The following NOS1 variants were observed in gnomAD, a reference collection of about 807,000 sequenced individuals.
NOS1 encodes NOS type I.
NOS1 carries 51 observed loss-of-function variants against 164.5 expected under a neutral mutation model. The observed-to-expected ratio is 0.31, with a 90% CI of 0.25 to 0.39. The LOEUF (loss-of-function observed/expected upper bound fraction) is 0.39, where lower values mean the gene tolerates loss of function less well. Among genes scored for constraint, NOS1 ranks in the 10% least tolerant of loss-of-function variants. The pLI is 1.00. For synonymous variants in NOS1, 719 were observed against 745.8 expected (o/e 0.96, Z 0.59); for missense variants, 1,362 against 1,885.6 (o/e 0.72, Z 5.14).
chr12:117,221,794 C>T lies in NOS1; in HGVS notation c.3975+921G>A, dbSNP rs115042693. On this transcript the variant is annotated intron_variant, in intron 26 of 28. Coordinates refer to ENST00000317775, the MANE Select transcript of NOS1 (RefSeq NM_000620.5). ...CCAAGGAGCTGGGACCACAGTCATACGCCACCACGCCCAGCTAACTTAAAT... is the reference window on the plus strand; with the variant it reads ...CCAAGGAGCTGGGACCACAGTCATATGCCACCACGCCCAGCTAACTTAAAT... Among the ~76,000 whole-genome samples the T allele has an allele frequency of 9.4e-3, 1,360 of 144,758 alleles. 17 individuals carry two copies. Among genetic ancestry groups the T allele is most frequent in the African/African-American group, 0.033 (1,259 of 38,680 alleles). The allele number at this position is 144,758 out of a possible 152,430, so 95.0% of individuals were successfully genotyped here. A position where few individuals can be genotyped will look rare whatever the true frequency, so the allele number is the denominator to read the frequency against.
rs183839261 is a variant in NOS1 at position 117,288,119 on chromosome 12, G to A, written c.1082C>T (p.Pro361Leu). Reference sequence around the variant, plus strand: ...TTGATCAATAAACTCTTTGGCGAGAGGGAAGAGCTGTCCTTTTGTGCGGAC... The same window carrying A: ...TTGATCAATAAACTCTTTGGCGAGAAGGAAGAGCTGTCCTTTTGTGCGGAC... ...EDVRTKGQLF[P>L]LAKEFIDQYY... Residue 361 changes from proline to leucine, a missense_variant, in exon 5 of 29, where the codon CCT (proline) becomes CTT (leucine). By Grantham distance (98) the Pro-to-Leu change is moderately conservative. Around this residue, in one of 4 missense-constraint regions of NOS1, gnomAD observed 129 missense variants for 186.0 expected, o/e 0.69. Coordinates refer to ENST00000317775, the MANE Select transcript of NOS1 (RefSeq NM_000620.5). 1.9e-5 allele frequency: 31 copies of A among 1,614,198 alleles called. No individual in the cohort carries two copies. In the Admixed American group the frequency reaches 2.2e-4, roughly 11 times the overall value.
chr12:117,342,913 A>T (rs1043664725), intron 1 of NOS1, among the ~76,000 whole-genome samples: 1 of 152,004 alleles, frequency 6.6e-6, no homozygotes, highest in South Asian at 2.1e-4. Flanking sequence ...AGTCAACAAG[A>T]TTTGGTGACT....
At chr12:117,247,005 A>AGGTTT in intron 18 of NOS1, among the ~76,000 whole-genome samples, 1 of 152,300 alleles carries the variant, frequency 6.6e-6, no homozygotes, top group South Asian at 2.1e-4. Flanking sequence ...CCAAGATGTT[A>AGGTTT]GGTTTGGTTT....
intron 13 of NOS1, among the ~76,000 whole-genome samples, chr12:117,262,365 A>C (rs561986692): frequency 7.3e-6 from 1 of 137,274 alleles, no homozygotes; most frequent in African/African-American, 2.6e-5. Context: ...GTGGCTGCTG[A>C]TGTGTTCTTG....
At chr12:117,240,941 C>CTTT (rs11398507) in intron 20 of NOS1, among the ~76,000 whole-genome samples, 5 of 138,980 alleles carry the variant, frequency 3.6e-5, no homozygotes, top group East Asian at 2.1e-4. Context: ...TTTTCTTTTT[C>CTTT]TTTTTTTTTT....
chr12:117,243,231 G>A lies in NOS1; in HGVS notation c.2962+66C>T. On this transcript the variant is annotated intron_variant, in intron 19 of 28. Coordinates refer to ENST00000317775, the MANE Select transcript of NOS1 (RefSeq NM_000620.5). This position sits in a 1 kb window ranked among gnomAD's most constrained non-coding sequence, Gnocchi z 4.3. ...GCCCATCTTCTCTAAGCACCTTCTG[G>A]AGGTGAGATCACCTGCCTTTCCCCC... 6.3e-7 allele frequency: 1 copy of A among 1,588,182 alleles called. No individual in the cohort carries two copies. The highest frequency in any genetic ancestry group is 1.7e-5 in the Admixed American group (1 of 58,656).
At chr12:117,323,641 A>G (rs1173035236) in intron 2 of NOS1, among the ~76,000 whole-genome samples, 1 of 152,028 alleles carries the variant, frequency 6.6e-6, no homozygotes, top group Non-Finnish European at 1.5e-5. Flanking sequence ...GATTGACCAG[A>G]CTCATAATTA....
rs1399885222 is a variant in NOS1 at position 117,210,836 on chromosome 12, C to T, written c.*4473G>A. 1 of 985,338 alleles carries T rather than the reference C, an allele frequency of 1.0e-6. No individual in the cohort carries two copies. Among genetic ancestry groups the T allele is most frequent in the East Asian group, 1.1e-4 (1 of 8,830 alleles). The allele number at this position is 985,338 out of a possible 1,614,324, so 61.0% of individuals were successfully genotyped here. A position where few individuals can be genotyped will look rare whatever the true frequency, so the allele number is the denominator to read the frequency against. The stretch of plus-strand genomic sequence containing the variant: ...GGCATGGCTGGACTTGGGAAGGATT[C>T]ACCCTGTTGACTCCAGAGAAGCTGA... On this transcript the variant is annotated 3_prime_UTR_variant, in exon 29 of 29. Coordinates refer to ENST00000317775, the MANE Select transcript of NOS1 (RefSeq NM_000620.5).
Position 117,209,531 on chromosome 12 carries a change from A to G in NOS1, c.*5778T>C. 1.0e-6 allele frequency: 1 copy of G among 985,518 alleles called. No homozygotes were observed. The highest frequency in any genetic ancestry group is 1.2e-6 in the Non-Finnish European group (1 of 829,960). The allele number at this position is 985,518 out of a possible 1,614,324, so 61.0% of individuals were successfully genotyped here. A position where few individuals can be genotyped will look rare whatever the true frequency, so the allele number is the denominator to read the frequency against. On this transcript the variant is annotated 3_prime_UTR_variant, in exon 29 of 29. Coordinates refer to ENST00000317775, the MANE Select transcript of NOS1 (RefSeq NM_000620.5). Reference sequence around the variant, plus strand: ...AGATTTGTTCCCGCCTGCCAGGGCCATCTCGTTAATAACGGACTGTGTTTT... The same window carrying G: ...AGATTTGTTCCCGCCTGCCAGGGCCGTCTCGTTAATAACGGACTGTGTTTT...
intron 22 of NOS1, 99 bp downstream of exon 22, chr12:117,231,863 C>T: frequency 7.6e-7 from 1 of 1,315,652 alleles, no homozygotes; most frequent in Admixed American, 2.1e-5. Flanking sequence ...TGGCTCAAGA[C>T]TTCCATCTGC....
intron 17 of NOS1, among the ~76,000 whole-genome samples, chr12:117,248,316 A>G (rs1470615747): frequency 6.6e-6 from 1 of 151,798 alleles, no homozygotes; most frequent in Non-Finnish European, 1.5e-5. Context: ...ATCTAGCATT[A>G]GGTATATCTC....
At position 117,210,953 on chromosome 12, in the gene NOS1, TTATTTTA is replaced by T. The variant is rs1956518185; in HGVS notation, c.*4349_*4355del. 2 of 960,290 alleles carry T rather than the reference TTATTTTA, an allele frequency of 2.1e-6. No individual in the cohort carries two copies. The highest frequency in any genetic ancestry group is 3.6e-5 in the African/African-American group (2 of 55,578). The allele number at this position is 960,290 out of a possible 1,614,324, so 59.5% of individuals were successfully genotyped here. ...TAGGGGCAAGATGTTTTATTTTATTTTATTTTATTTTATTTTTTTTGAGATAAGAGTC... is the reference window on the plus strand; with the variant it reads ...TAGGGGCAAGATGTTTTATTTTATTTTTTTATTTTTTTTGAGATAAGAGTC... On this transcript the variant is annotated 3_prime_UTR_variant, in exon 29 of 29. Coordinates refer to ENST00000317775, the MANE Select transcript of NOS1 (RefSeq NM_000620.5).
intron 24 of NOS1, among the ~76,000 whole-genome samples, chr12:117,226,298 T>C (rs1566027258): frequency 1.3e-5 from 2 of 152,142 alleles, no homozygotes; most frequent in Non-Finnish European, 2.9e-5. Flanking sequence ...ATGGGGGTGA[T>C]TGGATTTTTT....
At chr12:117,283,833 G>A (rs577553471) in intron 7 of NOS1, among the ~76,000 whole-genome samples, 5 of 118,194 alleles carry the variant, frequency 4.2e-5, no homozygotes, top group African/African-American at 1.3e-4. Flanking sequence ...TTCAACCTGG[G>A]TAACAGAGCA....
At position 117,272,233 on chromosome 12, in the gene NOS1, C is replaced by T; in HGVS notation, c.1839+152G>A. On this transcript the variant is annotated intron_variant, in intron 10 of 28. Transcript: ENST00000317775. The surrounding 1 kb of genome is among the most constrained non-coding windows in gnomAD (Gnocchi z 4.3). ...CATTGTTGTTAAAGACATGGATGCCCCTGGCATTTCCAGGGGCTTCTCTGG... is the reference window on the plus strand; with the variant it reads ...CATTGTTGTTAAAGACATGGATGCCTCTGGCATTTCCAGGGGCTTCTCTGG... 3.9e-6 allele frequency: 3 copies of T among 772,522 alleles called. No homozygotes were observed. Among genetic ancestry groups the T allele is most frequent in the Non-Finnish European group, 6.6e-6 (3 of 457,172 alleles). The allele number at this position is 772,522 out of a possible 1,614,324, so 47.9% of individuals were successfully genotyped here.
Position 117,208,980 on chromosome 12 carries a change from C to G in NOS1, c.*6329G>C, listed in dbSNP as rs1474186967. On this transcript the variant is annotated 3_prime_UTR_variant, in exon 29 of 29. Transcript: ENST00000317775. ...TCAAGTGATCTGCCAGCCTCGGCCT[C>G]CCAAAGTCCTGTGATTACAGGCATG... 1.0e-6 allele frequency: 1 copy of G among 961,998 alleles called. No homozygotes were observed. Among genetic ancestry groups the G allele is most frequent in the Non-Finnish European group, 1.2e-6 (1 of 808,792 alleles). 59.6% of individuals were successfully genotyped at this position (961,998 alleles called of 1,614,324 possible).
In NOS1 at chr12:117,263,388, T is replaced by C. The variant is rs371492748; in HGVS notation, c.2222+501A>G. Among the ~76,000 whole-genome samples, 23 of 151,836 alleles carry C rather than the reference T, an allele frequency of 1.5e-4. No individual in the cohort carries two copies. The East Asian group carries it at 4.5e-3, about 29-fold the overall frequency. On this transcript the variant is annotated intron_variant, in intron 13 of 28. Coordinates refer to ENST00000317775, the MANE Select transcript of NOS1 (RefSeq NM_000620.5). ...GGCTCACACCTGTAATCCTAGCACTTTGGGAGGCTGAGGCAGGAGGATCGC... is the reference window on the plus strand; with the variant it reads ...GGCTCACACCTGTAATCCTAGCACTCTGGGAGGCTGAGGCAGGAGGATCGC...
chr12:117,228,888 T>C (rs1464350196), intron 22 of NOS1, among the ~76,000 whole-genome samples: 1 of 152,054 alleles, frequency 6.6e-6, no homozygotes, highest in East Asian at 1.9e-4. Context: ...TTCACGCCAT[T>C]CTCCTGCCTC....
At chr12:117,332,647 C>G (rs1282175587) in intron 1 of NOS1, among the ~76,000 whole-genome samples, 2 of 152,056 alleles carry the variant, frequency 1.3e-5, no homozygotes, top group Non-Finnish European at 2.9e-5. Flanking sequence ...GGCGGATCAC[C>G]TGAGGTCAGG....
Sources: allele counts gnomAD v4.1 joint callset (sites outside exome capture counted in the v4.1 genomes callset), GRCh38; gene constraint gnomAD v4.1.1; regional missense constraint gnomAD v4.1.1; non-coding constraint Gnocchi (gnomAD v3.1); transcripts MANE v1.5; gene names NCBI Gene and HGNC (gene_info 2026-07-23, HGNC 2026-07-21).